RARB: variants seen among roughly 807,000 people sequenced by gnomAD.
RARB encodes HBV-activated protein.
A neutral mutation model predicts 51.9 loss-of-function variants in RARB; 17 were observed. The ratio of observed to expected loss-of-function variants is 0.33; its 90% CI spans 0.22 to 0.49. The LOEUF (loss-of-function observed/expected upper bound fraction) is 0.49, where lower values mean the gene tolerates loss of function less well. RARB is among the 20% of genes least tolerant of loss of function. RARB has a pLI of 0.99. For missense variants in RARB, 369 were observed against 550.8 expected (o/e 0.67, Z 3.30); for synonymous variants, 215 against 195.4 (o/e 1.10, Z -0.84).
At chr3:25,261,387 C>T (rs778079570) in intron 5 of RARB, among the ~76,000 whole-genome samples, 2 of 152,096 alleles carry the variant, frequency 1.3e-5, no homozygotes, top group Admixed American at 6.6e-5. Flanking sequence ...TCATTTCTCA[C>T]CCACCTTTTT....
intron 2 of RARB, among the ~76,000 whole-genome samples, chr3:24,988,883 T>C (rs1696851061): frequency 6.6e-6 from 1 of 152,214 alleles, no homozygotes; most frequent in African/African-American, 2.4e-5. Context: ...TGGAGTGCAG[T>C]GGCGCAATCT....
chr3:25,051,467 G>A (rs1698330827), intron 2 of RARB, among the ~76,000 whole-genome samples: 1 of 152,048 alleles, frequency 6.6e-6, no homozygotes, highest in African/African-American at 2.4e-5. Flanking sequence ...AATCCTATGT[G>A]CATAAAAATA....
At chr3:25,387,370 G>C (rs1706823689) in intron 5 of RARB, among the ~76,000 whole-genome samples, 1 of 152,054 alleles carries the variant, frequency 6.6e-6, no homozygotes, top group Admixed American at 6.6e-5. Context: ...ATTTTACCCA[G>C]ATCACCCTCT....
intron 5 of RARB, among the ~76,000 whole-genome samples, chr3:25,387,029 G>T (rs1001174707): frequency 6.6e-6 from 1 of 152,126 alleles, no homozygotes; most frequent in African/African-American, 2.4e-5. Context: ...TTTCTCCTGT[G>T]AGCAATAATT....
chr3:25,252,674 A>G (rs1465737676), intron 5 of RARB, among the ~76,000 whole-genome samples: 1 of 152,212 alleles, frequency 6.6e-6, no homozygotes, highest in Admixed American at 6.5e-5. Context: ...TAGAACTACA[A>G]TTGGCTTTTG....
intron 3 of RARB, among the ~76,000 whole-genome samples, chr3:25,541,439 A>G (rs571067037): frequency 1.3e-5 from 2 of 152,152 alleles, no homozygotes; most frequent in South Asian, 4.2e-4. Context: ...TTGTGTTCCT[A>G]TCTACCTCTC....
At chr3:24,915,296 A>T (rs1035310985) in intron 2 of RARB, among the ~76,000 whole-genome samples, 4 of 152,366 alleles carry the variant, frequency 2.6e-5, no homozygotes, top group Admixed American at 2.6e-4. Context: ...GTACAGACCT[A>T]GGTAAAACTA....
At chr3:25,111,583 GTT>G (rs370598264) in intron 3 of RARB, among the ~76,000 whole-genome samples, 3 of 120,864 alleles carry the variant, frequency 2.5e-5, no homozygotes, top group South Asian at 2.8e-4. Flanking sequence ...TCTAACAGTG[GTT>G]TTTTTTTTTT....
At chr3:24,923,395 G>C (rs1467533903) in intron 2 of RARB, among the ~76,000 whole-genome samples, 1 of 152,108 alleles carries the variant, frequency 6.6e-6, no homozygotes, top group Admixed American at 6.6e-5. Context: ...GAATTCATTT[G>C]ACAGTAATGC....
intron 5 of RARB, among the ~76,000 whole-genome samples, chr3:25,253,671 C>T (rs1051000682): frequency 1.3e-5 from 2 of 152,104 alleles, no homozygotes; most frequent in African/African-American, 4.8e-5. Flanking sequence ...AGAATAAATA[C>T]AGCAGGTCAG....
intron 2 of RARB, among the ~76,000 whole-genome samples, chr3:25,009,083 G>A (rs1697339122): frequency 6.6e-6 from 1 of 152,050 alleles, no homozygotes; most frequent in Admixed American, 6.6e-5. Context: ...CTTCTAATTT[G>A]GCTTGTCCCT....
At chr3:25,547,006 G>A (rs537062145) in intron 3 of RARB, among the ~76,000 whole-genome samples, 1 of 152,282 alleles carries the variant, frequency 6.6e-6, no homozygotes, top group African/African-American at 2.4e-5. Context: ...TACAGGTGCA[G>A]CCTTGATGGG....
intron 5 of RARB, among the ~76,000 whole-genome samples, chr3:25,355,483 A>G (rs926910449): frequency 2.6e-5 from 4 of 151,846 alleles, no homozygotes; most frequent in African/African-American, 9.7e-5. Flanking sequence ...TCTTGACAGG[A>G]GTTTATTTGG....
intron 5 of RARB, among the ~76,000 whole-genome samples, chr3:25,241,201 C>G (rs1035145895): frequency 2.6e-5 from 4 of 152,142 alleles, no homozygotes; most frequent in Non-Finnish European, 5.9e-5. Context: ...CATGCTGTTT[C>G]ATTTACATAT....
At chr3:24,843,457 C>T (rs1037414551) in intron 1 of RARB, among the ~76,000 whole-genome samples, 1 of 152,134 alleles carries the variant, frequency 6.6e-6, no homozygotes, top group Non-Finnish European at 1.5e-5. Flanking sequence ...GTAACATCAC[C>T]GACCTGTGAG....
rs188931874 is a variant in RARB, at chr3:24,941,657, C to T, written c.-380+82905C>T. The stretch of plus-strand genomic sequence containing the variant: ...TTGCTGGGATTACAGGCATGAGCCA[C>T]CGTGCCCAGATAAAAGGCAGTCTTT... On this transcript the variant is annotated intron_variant, in intron 2 of 11. Coordinates refer to the RARB transcript ENST00000383772. 1.3e-3 allele frequency among the ~76,000 whole-genome samples: 196 copies of T among 152,262 alleles called. 1 individual carries two copies. Among genetic ancestry groups the T allele is most frequent in the African/African-American group, 4.1e-3 (172 of 41,550 alleles).
intron 5 of RARB, among the ~76,000 whole-genome samples, chr3:25,219,851 G>T (rs1438450629): frequency 6.6e-6 from 1 of 152,198 alleles, no homozygotes; most frequent in Non-Finnish European, 1.5e-5. Flanking sequence ...CTCATCCAAA[G>T]AGAGTAAAGC....
At chr3:25,382,053 T>C (rs1238619281) in intron 5 of RARB, among the ~76,000 whole-genome samples, 1 of 152,170 alleles carries the variant, frequency 6.6e-6, no homozygotes, top group Non-Finnish European at 1.5e-5. Context: ...ATATTCTAAC[T>C]GAGGAACATT....
At chr3:25,333,650 T>C (rs1156487582) in intron 5 of RARB, among the ~76,000 whole-genome samples, 1 of 152,156 alleles carries the variant, frequency 6.6e-6, no homozygotes, top group South Asian at 2.1e-4. Context: ...CCAAAAGCAA[T>C]GGCAACAAAA....
Sources: gnomAD v4.1 joint callset for allele counts (sites outside exome capture counted in the v4.1 genomes callset) on GRCh38, gnomAD v4.1.1 for gene constraint, MANE v1.5 for transcripts, NCBI Gene and HGNC (gene_info 2026-07-23, HGNC 2026-07-21) for gene names.